The following PACRG variants were observed in gnomAD, a reference collection of about 807,000 sequenced individuals.
The protein encoded by PACRG is parkin coregulated gene protein.
In PACRG, 29 loss-of-function variants were observed where a neutral mutation model predicts 29.7. The observed-to-expected ratio is 0.98, with a 90% CI of 0.73 to 1.33. The LOEUF (loss-of-function observed/expected upper bound fraction) is 1.33. PACRG is among the 40% of genes most tolerant of loss of function. The pLI is 0.00. For synonymous variants in PACRG, 116 were observed against 118.7 expected (o/e 0.98, Z 0.15); for missense variants, 279 against 316.2 (o/e 0.88, Z 0.89).
Position 163,269,952 on chromosome 6 carries a change from AAAGAAAG to A in PACRG, c.614-44872_614-44866del, listed in dbSNP as rs1562350187. 3.0e-3 allele frequency among the ~76,000 whole-genome samples: 191 copies of A among 63,416 alleles called. 37 individuals are homozygous for A. Among genetic ancestry groups the A allele is most frequent in the African/African-American group, 0.016 (178 of 10,834 alleles). 41.6% of individuals were successfully genotyped at this position (63,416 alleles called of 152,430 possible). On this transcript the variant is annotated intron_variant, in intron 4 of 4. Transcript: ENST00000366888. ...AAAACAAAGAAAGAAAGAAAGAAAG[AAAGAAAG>A]AAAGAAAGAAAGAAAGAAAGAAAGA...
chr6:163,015,628 T>G (rs1806022553), intron 2 of PACRG, among the ~76,000 whole-genome samples: 1 of 152,152 alleles, frequency 6.6e-6, no homozygotes, highest in African/African-American at 2.4e-5. Flanking sequence ...TGGGATTGTG[T>G]TCTTCATTTT....
intron 4 of PACRG, among the ~76,000 whole-genome samples, chr6:163,246,663 G>A (rs1442906881): frequency 1.3e-5 from 2 of 152,206 alleles, no homozygotes; most frequent in African/African-American, 2.4e-5. Context: ...ATGATTATGT[G>A]ACGTTAGAAG....
At position 163,197,622 on chromosome 6, in the gene PACRG, C is replaced by T. The variant is rs911492630; in HGVS notation, c.613+108214C>T. ...CCACGCCCGGCTAATTTTTTTTTTTCGTGTTTTTAGTAGAGACGGGGTTTC... is the reference window on the plus strand; with the variant it reads ...CCACGCCCGGCTAATTTTTTTTTTTTGTGTTTTTAGTAGAGACGGGGTTTC... On this transcript the variant is annotated intron_variant, in intron 4 of 4. Coordinates refer to ENST00000366888, the MANE Select transcript of PACRG (RefSeq NM_001080379.2). 8.1e-4 allele frequency among the ~76,000 whole-genome samples: 112 copies of T among 138,756 alleles called. 1 individual carries two copies. The East Asian group carries it at 0.011, about 14-fold the overall frequency. The allele number at this position is 138,756 out of a possible 152,430, so 91.0% of individuals were successfully genotyped here. A position where few individuals can be genotyped will look rare whatever the true frequency, so the allele number is the denominator to read the frequency against.
intron 2 of PACRG, among the ~76,000 whole-genome samples, chr6:162,947,364 A>ATATATATG (rs373909688): frequency 9.0e-5 from 5 of 55,594 alleles, no homozygotes; most frequent in African/African-American, 2.1e-4. Flanking sequence ...TATATAATGT[A>ATATATATG]ATCATATATA....
At chr6:163,023,600 G>C (rs1585029279) in intron 2 of PACRG, among the ~76,000 whole-genome samples, 2 of 152,170 alleles carry the variant, frequency 1.3e-5, no homozygotes, top group Non-Finnish European at 2.9e-5. Context: ...ACAGGAATGG[G>C]ATTGTTGGGT....
intron 4 of PACRG, among the ~76,000 whole-genome samples, chr6:163,092,153 CCTGT>C (rs1300683916): frequency 6.6e-5 from 10 of 152,178 alleles, no homozygotes; most frequent in African/African-American, 2.4e-4. Context: ...AATAAAATGA[CCTGT>C]CTGTCAGCAT....
chr6:163,144,233 C>CAAAAAAAAAAAAA (rs754157729), intron 4 of PACRG, among the ~76,000 whole-genome samples: 4 of 101,926 alleles, frequency 3.9e-5, no homozygotes, highest in Middle Eastern at 6.3e-3. Flanking sequence ...CGTCTCAAAA[C>CAAAAAAAAAAAAA]AAAAAAAAAA....
chr6:163,163,818 T>C (rs1778673724), intron 4 of PACRG, among the ~76,000 whole-genome samples: 1 of 152,206 alleles, frequency 6.6e-6, no homozygotes, highest in African/African-American at 2.4e-5. Flanking sequence ...ATAACTTTTA[T>C]TGTAAAATAC....
intron 4 of PACRG, among the ~76,000 whole-genome samples, chr6:163,223,753 A>G (rs2128160098): frequency 6.6e-6 from 1 of 152,354 alleles, no homozygotes; most frequent in East Asian, 1.9e-4. Flanking sequence ...GCTGAGGACC[A>G]GAAGAAACAT....
chr6:162,928,761 C>A (rs1287221630), intron 2 of PACRG, among the ~76,000 whole-genome samples: 1 of 151,768 alleles, frequency 6.6e-6, no homozygotes, highest in Non-Finnish European at 1.5e-5. Flanking sequence ...TTTATTTTCT[C>A]CCCCTACTCC....
chr6:163,008,895 G>A (rs919747521), intron 2 of PACRG, among the ~76,000 whole-genome samples: 1 of 152,022 alleles, frequency 6.6e-6, no homozygotes, highest in African/African-American at 2.4e-5. Context: ...ACTTCAATGA[G>A]CTTTAGCTCT....
chr6:163,201,905 G>C (rs1320388989), intron 4 of PACRG, among the ~76,000 whole-genome samples: 2 of 152,232 alleles, frequency 1.3e-5, no homozygotes, highest in East Asian at 1.9e-4. Flanking sequence ...TCCTCACACG[G>C]TGGTGGCCAA....
intron 4 of PACRG, among the ~76,000 whole-genome samples, chr6:163,129,618 T>C (rs983160454): frequency 2.0e-5 from 3 of 152,182 alleles, no homozygotes; most frequent in Admixed American, 6.5e-5. Context: ...GTTTTTGAGG[T>C]AAGCAAACAC....
intron 2 of PACRG, among the ~76,000 whole-genome samples, chr6:163,015,728 A>C (rs995292886): frequency 1.3e-5 from 2 of 152,130 alleles, no homozygotes; most frequent in Non-Finnish European, 2.9e-5. Context: ...ATAGTTTATC[A>C]GTTCCAGGAG....
At chr6:163,230,925 CA>C (rs1348144819) in intron 4 of PACRG, among the ~76,000 whole-genome samples, 1 of 152,202 alleles carries the variant, frequency 6.6e-6, no homozygotes, top group Non-Finnish European at 1.5e-5. Flanking sequence ...CCAGTAATTA[CA>C]GCCTCGTGAA....
At chr6:162,938,657 C>T (rs1169520787) in intron 2 of PACRG, among the ~76,000 whole-genome samples, 1 of 152,216 alleles carries the variant, frequency 6.6e-6, no homozygotes, top group African/African-American at 2.4e-5. Context: ...TCCATCCCAA[C>T]ATCTATTATT....
chr6:163,031,318 G>A (rs984900294), intron 2 of PACRG, among the ~76,000 whole-genome samples: 1 of 152,160 alleles, frequency 6.6e-6, no homozygotes, highest in Non-Finnish European at 1.5e-5. Flanking sequence ...AAGCTGGTAG[G>A]GGGTTGCTAG....
rs940557433 is a variant in PACRG, at chr6:162,803,468, C to T, written c.157-10679C>T. On this transcript the variant is annotated intron_variant, in intron 1 of 4. Coordinates refer to ENST00000366888, the MANE Select transcript of PACRG (RefSeq NM_001080379.2). Reference sequence around the variant, plus strand: ...GATTTAATTAGTCTATTAGAATATTCATTGTGCAGCACACAGAGGAATCAA... The same window carrying T: ...GATTTAATTAGTCTATTAGAATATTTATTGTGCAGCACACAGAGGAATCAA... Among the ~76,000 whole-genome samples the T allele has an allele frequency of 4.6e-5, 7 of 152,204 alleles. No individual in the cohort carries two copies. In the East Asian group the frequency reaches 1.4e-3, roughly 29 times the overall value.
At chr6:162,835,131 T>C (rs1267705686) in intron 2 of PACRG, among the ~76,000 whole-genome samples, 1 of 152,144 alleles carries the variant, frequency 6.6e-6, no homozygotes, top group Non-Finnish European at 1.5e-5. Context: ...AGCTAAACTA[T>C]ATTATTTTTT....
Sources: allele counts gnomAD v4.1 joint callset (sites outside exome capture counted in the v4.1 genomes callset), GRCh38; gene constraint gnomAD v4.1.1; transcripts MANE v1.5; gene names NCBI Gene and HGNC (gene_info 2026-07-23, HGNC 2026-07-21).